The following EYS variants were observed in gnomAD, a reference collection of about 807,000 sequenced individuals.
EYS encodes the protein protein eyes shut homolog.
In EYS, 250 loss-of-function variants were observed where a neutral mutation model predicts 282.1. The observed-to-expected ratio is 0.89, with a 90% CI of 0.80 to 0.98. EYS has a LOEUF of 0.98. EYS is among the 50% of genes least tolerant of loss of function. EYS has a pLI of 0.00. For synonymous variants in EYS, 1,355 were observed against 1,282.9 expected, an observed-to-expected ratio of 1.06 and a Z score of -1.20; for missense variants, 4,016 against 3,709.0, an observed-to-expected ratio of 1.08 and a Z score of -2.15.
chr6:64,538,946 C>T (rs573552314), intron 26 of EYS, among the ~76,000 whole-genome samples: 34 of 152,230 alleles, frequency 2.2e-4, no homozygotes, highest in Non-Finnish European at 3.2e-4. Flanking sequence ...TGCTCATCCC[C>T]GCTGAGCCCA....
intron 29 of EYS, among the ~76,000 whole-genome samples, chr6:64,378,104 T>G (rs920804049): frequency 6.6e-6 from 1 of 152,184 alleles, no homozygotes; most frequent in Non-Finnish European, 1.5e-5. Flanking sequence ...GTATACATGA[T>G]GTGTTTCCTC....
intron 31 of EYS, among the ~76,000 whole-genome samples, chr6:64,172,425 T>C (rs570897789): frequency 6.6e-6 from 1 of 152,204 alleles, no homozygotes; most frequent in Non-Finnish European, 1.5e-5. Flanking sequence ...CTATTTTTTA[T>C]GAGTTTGACA....
intron 22 of EYS, among the ~76,000 whole-genome samples, chr6:64,701,156 C>G (rs553062434): frequency 2.0e-5 from 3 of 152,192 alleles, no homozygotes; most frequent in African/African-American, 7.2e-5. Flanking sequence ...GCTGGCCGAA[C>G]TGGATTGCCA....
At chr6:65,673,728 C>T (rs1313949547) in intron 1 of EYS, among the ~76,000 whole-genome samples, 1 of 151,942 alleles carries the variant, frequency 6.6e-6, no homozygotes, top group Non-Finnish European at 1.5e-5. Flanking sequence ...TTAATAAAGG[C>T]CGGTCTGTTA....
intron 31 of EYS, among the ~76,000 whole-genome samples, chr6:64,168,975 A>G (rs1038802409): frequency 2.6e-5 from 4 of 152,258 alleles, no homozygotes; most frequent in African/African-American, 9.6e-5. Flanking sequence ...CATGATTCAG[A>G]GAATATAAGA....
chr6:64,353,553 G>A (rs865838428), intron 29 of EYS, among the ~76,000 whole-genome samples: 21 of 151,550 alleles, frequency 1.4e-4, no homozygotes, highest in Middle Eastern at 3.2e-3. Flanking sequence ...CTCTGGGTTT[G>A]TTGATGACAG....
At chr6:65,673,726 G>A (rs1315130817) in intron 1 of EYS, among the ~76,000 whole-genome samples, 1 of 151,974 alleles carries the variant, frequency 6.6e-6, no homozygotes, top group African/African-American at 2.4e-5. Flanking sequence ...GATTAATAAA[G>A]GCCGGTCTGT....
chr6:63,805,518 A>T (rs556750308), intron 37 of EYS, among the ~76,000 whole-genome samples: 2 of 152,228 alleles, frequency 1.3e-5, no homozygotes, highest in Non-Finnish European at 2.9e-5. Context: ...ACAAATCAAT[A>T]AACTTACTTC....
intron 19 of EYS, among the ~76,000 whole-genome samples, chr6:64,844,497 A>AT (rs1765662463): frequency 6.6e-6 from 1 of 151,882 alleles, no homozygotes; most frequent in African/African-American, 2.4e-5. Flanking sequence ...TATTTTAAAG[A>AT]TTTTCTGAGC....
chr6:64,839,111 T>G (rs1015431581), intron 19 of EYS, among the ~76,000 whole-genome samples: 6 of 151,998 alleles, frequency 3.9e-5, no homozygotes, highest in African/African-American at 1.2e-4. Flanking sequence ...ATTAAAAACA[T>G]TTTGCTATAC....
chr6:65,274,940 AC>A (rs1768003466), intron 12 of EYS, among the ~76,000 whole-genome samples: 1 of 148,778 alleles, frequency 6.7e-6, no homozygotes, highest in South Asian at 2.2e-4. Context: ...GAGAGACAAT[AC>A]CTAGTGGCCT....
chr6:64,419,526 C>T (rs1055229759), intron 28 of EYS, among the ~76,000 whole-genome samples: 3 of 152,158 alleles, frequency 2.0e-5, no homozygotes, highest in Admixed American at 6.5e-5. Flanking sequence ...TTGCTTCTGC[C>T]TATGAGCCTA....
chr6:64,945,701 G>A lies in EYS; in HGVS notation c.2381+92C>T, dbSNP rs1583318728. ...TGCTGGATGGTTATTTTAATTAAAT[G>A]TATCTAAAGTGAAAATAATGTCTGG... On this transcript the variant is annotated intron_variant, in intron 15 of 42. Transcript: ENST00000503581. The A allele has an allele frequency of 3.6e-6, 4 of 1,120,522 alleles. No individual in the cohort carries two copies. In the East Asian group the frequency reaches 8.3e-5, roughly 23 times the overall value. 69.4% of individuals were successfully genotyped at this position (1,120,522 alleles called of 1,614,324 possible). A position where few individuals can be genotyped will look rare whatever the true frequency, so the allele number is the denominator to read the frequency against.
intron 12 of EYS, among the ~76,000 whole-genome samples, chr6:65,260,767 T>C (rs188645229): frequency 9.0e-4 from 137 of 151,874 alleles, no homozygotes; most frequent in Middle Eastern, 6.8e-3. Flanking sequence ...TTAAGAACAA[T>C]GGGTAAAAAA....
chr6:64,962,320 TAAATAA>T (rs1769949240), intron 14 of EYS, among the ~76,000 whole-genome samples: 1 of 152,156 alleles, frequency 6.6e-6, no homozygotes, highest in Non-Finnish European at 1.5e-5. Context: ...CTAGTTGTGT[TAAATAA>T]AAATAAACTG....
chr6:65,297,668 A>C (rs1017107101), intron 11 of EYS, among the ~76,000 whole-genome samples: 9 of 152,016 alleles, frequency 5.9e-5, no homozygotes, highest in Non-Finnish European at 1.2e-4. Context: ...AGAGTATTGA[A>C]TGCATTTTTT....
At chr6:64,832,193 C>A (rs1279065231) in intron 19 of EYS, among the ~76,000 whole-genome samples, 1 of 151,902 alleles carries the variant, frequency 6.6e-6, no homozygotes, top group Admixed American at 6.6e-5. Context: ...TTCACACATT[C>A]ATACGCATGT....
intron 19 of EYS, among the ~76,000 whole-genome samples, chr6:64,878,682 C>T (rs769043920): frequency 2.1e-5 from 3 of 145,172 alleles, no homozygotes; most frequent in Non-Finnish European, 3.0e-5. Flanking sequence ...TAAGCACATG[C>T]ATTTTTTTTC....
chr6:64,389,169 T>C (rs1773015715), intron 28 of EYS, among the ~76,000 whole-genome samples: 1 of 152,198 alleles, frequency 6.6e-6, no homozygotes, highest in Non-Finnish European at 1.5e-5. Flanking sequence ...AAATTTTCTG[T>C]ATGAGTGAAA....
Sources: allele counts gnomAD v4.1 joint callset (sites outside exome capture counted in the v4.1 genomes callset), GRCh38; gene constraint gnomAD v4.1.1; transcripts MANE v1.5; gene names NCBI Gene and HGNC (gene_info 2026-07-23, HGNC 2026-07-21).